The following NRXN1 variants were observed in gnomAD, a reference collection of about 807,000 sequenced individuals.
NRXN1 encodes the protein neurexin-1.
Under a neutral mutation model 150.9 loss-of-function variants are expected in NRXN1, and 39 were observed. The observed-to-expected ratio is 0.26, with a 90% CI of 0.20 to 0.34. The LOEUF is 0.34. NRXN1 is among the 10% of genes least tolerant of loss of function. The probability of loss-of-function intolerance (pLI) is 1.00; values close to 1 mark genes in which losing one functional copy is unlikely to be tolerated. For synonymous variants in NRXN1, 924 were observed against 757.0 expected (o/e 1.22, Z -3.62); for missense variants, 1,815 against 1,949.9 (o/e 0.93, Z 1.30).
intron 17 of NRXN1, among the ~76,000 whole-genome samples, chr2:50,266,921 G>A (rs778069336): frequency 6.6e-6 from 1 of 152,156 alleles, no homozygotes; most frequent in African/African-American, 2.4e-5. Context: ...CTTTATTATA[G>A]AAAATGGATA....
At chr2:50,310,705 G>A (rs2075101904) in intron 17 of NRXN1, among the ~76,000 whole-genome samples, 1 of 152,046 alleles carries the variant, frequency 6.6e-6, no homozygotes, top group Non-Finnish European at 1.5e-5. Flanking sequence ...TGGATGTCAT[G>A]GTCCCATTTC....
At chr2:50,446,998 A>G (rs2104496319) in intron 17 of NRXN1, among the ~76,000 whole-genome samples, 1 of 152,224 alleles carries the variant, frequency 6.6e-6, no homozygotes, top group East Asian at 1.9e-4. Flanking sequence ...CTTCTTGTTA[A>G]ATAAAATTAT....
chr2:50,015,894 G>T (rs77016810), intron 21 of NRXN1, among the ~76,000 whole-genome samples: 10,170 of 152,136 alleles, frequency 0.067, 428 homozygotes, highest in Middle Eastern at 0.17. Flanking sequence ...AGGATTTTGT[G>T]AGGCTTAGAT....
chr2:50,283,147 A>C (rs527386512), intron 17 of NRXN1, among the ~76,000 whole-genome samples: 8 of 152,208 alleles, frequency 5.3e-5, no homozygotes, highest in Non-Finnish European at 1.0e-4. Context: ...AATCAAGTGA[A>C]TATAAAAAAG....
At position 50,951,963 on chromosome 2, in the gene NRXN1, A is replaced by ATATT. The variant is rs1387961788; in HGVS notation, c.773-26009_773-26008insAATA. ...AATAAATATATATATATATATATAT[A>ATATT]TTTTTTTTTTTTTTTTTTTTTGAGA... On this transcript the variant is annotated intron_variant, in intron 2 of 22. Transcript: ENST00000401669. 5.9e-3 allele frequency among the ~76,000 whole-genome samples: 441 copies of ATATT among 74,790 alleles called. 3 individuals are homozygous for ATATT. Among genetic ancestry groups the ATATT allele is most frequent in the East Asian group, 0.014 (28 of 1,988 alleles). The allele number at this position is 74,790 out of a possible 152,430, so 49.1% of individuals were successfully genotyped here.
At position 50,922,638 on chromosome 2, in the gene NRXN1, A is replaced by T. The variant is rs1686215469; in HGVS notation, c.820+20T>A. Reference sequence around the variant, plus strand: ...CAAGAAAACACTGAAAGCAGAGTGGAAAAGGAACAGAGCCCATACCTTGGT... The same window carrying T: ...CAAGAAAACACTGAAAGCAGAGTGGTAAAGGAACAGAGCCCATACCTTGGT... On this transcript the variant is annotated intron_variant, in intron 4 of 22. Coordinates refer to ENST00000401669, the MANE Select transcript of NRXN1 (RefSeq NM_001330078.2). 16 of 1,608,578 alleles carry T rather than the reference A, an allele frequency of 9.9e-6. No individual in the cohort carries two copies. The East Asian group carries it at 3.6e-4, about 36-fold the overall frequency.
intron 17 of NRXN1, among the ~76,000 whole-genome samples, chr2:50,383,146 A>G (rs2081086901): frequency 6.6e-6 from 1 of 152,176 alleles, no homozygotes; most frequent in Admixed American, 6.5e-5. Context: ...ATTTTCCTAA[A>G]ACTTTGAATC....
chr2:50,520,230 C>T (rs1036870595), intron 12 of NRXN1, among the ~76,000 whole-genome samples: 1 of 151,678 alleles, frequency 6.6e-6, no homozygotes, highest in African/African-American at 2.4e-5. Context: ...TGATTAGGAA[C>T]AAAATGTTGT....
chr2:50,041,842 A>T (rs1291814183), intron 21 of NRXN1, among the ~76,000 whole-genome samples: 1 of 152,132 alleles, frequency 6.6e-6, no homozygotes, highest in African/African-American at 2.4e-5. Flanking sequence ...CGGCACTATA[A>T]CCCAAAATGA....
At chr2:50,687,926 T>A (rs1399434577) in intron 5 of NRXN1, among the ~76,000 whole-genome samples, 1 of 152,148 alleles carries the variant, frequency 6.6e-6, no homozygotes, top group African/African-American at 2.4e-5. Flanking sequence ...GATCAAACTC[T>A]TCTCTCTGAT....
chr2:50,785,145 G>A (rs992746810), intron 5 of NRXN1, among the ~76,000 whole-genome samples: 1 of 152,018 alleles, frequency 6.6e-6, no homozygotes, highest in African/African-American at 2.4e-5. Context: ...CAGTGAGAAG[G>A]TGGACATCAG....
At chr2:50,844,736 G>A (rs527437092) in intron 5 of NRXN1, among the ~76,000 whole-genome samples, 1 of 152,254 alleles carries the variant, frequency 6.6e-6, no homozygotes, top group Non-Finnish European at 1.5e-5. Flanking sequence ...CATTCCTCAC[G>A]TAAGGAAAGT....
intron 18 of NRXN1, among the ~76,000 whole-genome samples, chr2:50,147,093 C>T (rs1415902162): frequency 3.3e-5 from 5 of 151,666 alleles, no homozygotes; most frequent in African/African-American, 7.3e-5. Context: ...TAATAGTTGG[C>T]TATTTCAGAT....
At chr2:50,007,971 T>A (rs1159686238) in intron 21 of NRXN1, among the ~76,000 whole-genome samples, 1 of 152,182 alleles carries the variant, frequency 6.6e-6, no homozygotes, top group Non-Finnish European at 1.5e-5. Context: ...TTCACCATTC[T>A]AAGTAACCAG....
At chr2:50,673,289 T>G (rs1461076457) in intron 5 of NRXN1, among the ~76,000 whole-genome samples, 2 of 152,148 alleles carry the variant, frequency 1.3e-5, no homozygotes, top group Non-Finnish European at 2.9e-5. Context: ...TAAAAAGACA[T>G]GTTTAGATCT....
intron 5 of NRXN1, among the ~76,000 whole-genome samples, chr2:50,867,775 C>G (rs775022356): frequency 6.6e-6 from 1 of 151,740 alleles, no homozygotes; most frequent in Non-Finnish European, 1.5e-5. Flanking sequence ...ATGGGAGTTA[C>G]TACTCTTGGG....
chr2:49,973,547 C>G (rs1678336153), intron 21 of NRXN1, among the ~76,000 whole-genome samples: 1 of 152,032 alleles, frequency 6.6e-6, no homozygotes, highest in Non-Finnish European at 1.5e-5. Context: ...AGCAGTCTGG[C>G]AAGTACTGAA....
At chr2:50,700,943 G>C (rs2104959543) in intron 5 of NRXN1, among the ~76,000 whole-genome samples, 1 of 152,186 alleles carries the variant, frequency 6.6e-6, no homozygotes, top group Middle Eastern at 3.4e-3. Flanking sequence ...TGGGATTACA[G>C]GCGTGAGCAA....
chr2:50,882,133 G>A (rs562438505), intron 5 of NRXN1, among the ~76,000 whole-genome samples: 1 of 151,888 alleles, frequency 6.6e-6, no homozygotes, highest in African/African-American at 2.4e-5. Flanking sequence ...TAGAATTTAT[G>A]AATTTCTAAA....
Sources: gnomAD v4.1 joint callset for allele counts (sites outside exome capture counted in the v4.1 genomes callset) on GRCh38, gnomAD v4.1.1 for gene constraint, MANE v1.5 for transcripts, NCBI Gene and HGNC (gene_info 2026-07-23, HGNC 2026-07-21) for gene names.